PSG11: variants seen among roughly 807,000 people sequenced by gnomAD.
PSG11 encodes pregnancy specific beta-1-glycoprotein 11, also known as pregnancy-specific beta-1-glycoprotein 11.
In PSG11, 42 loss-of-function variants were observed where a neutral mutation model predicts 36.0. The observed-to-expected ratio is 1.17, with a 90% CI of 0.91 to 1.51. The LOEUF (loss-of-function observed/expected upper bound fraction) is 1.51, where lower values mean the gene tolerates loss of function less well. PSG11 is among the 40% of genes most tolerant of loss of function. The pLI is 0.00. For missense variants in PSG11, 558 were observed against 403.5 expected (o/e 1.38, Z -3.28); for synonymous variants, 206 against 153.5 (o/e 1.34, Z -2.53).
chr19:43,007,821 CA>C lies in PSG11; in HGVS notation c.*261del, dbSNP rs1163947380. 1.7e-5 allele frequency: 5 copies of C among 302,766 alleles called. No individual in the cohort carries two copies. Among genetic ancestry groups the C allele is most frequent in the Non-Finnish European group, 3.2e-5 (5 of 155,698 alleles). The allele number at this position is 302,766 out of a possible 1,614,324, so 18.8% of individuals were successfully genotyped here. ...AAATTCATAAATCTGGAGGATAAAA[CA>C]TTCAAAAAATCAGCACATTTTCCAA... On this transcript the variant is annotated 3_prime_UTR_variant, in exon 6 of 6. Coordinates refer to ENST00000320078, the MANE Select transcript of PSG11 (RefSeq NM_002785.3).
chr19:43,008,408 G>A (rs546431071), intron 5 of PSG11, among the ~76,000 whole-genome samples: 4 of 151,008 alleles, frequency 2.6e-5, no homozygotes, highest in Non-Finnish European at 5.9e-5. Flanking sequence ...GAGTAGCTGG[G>A]ACTACAGGTG....
chr19:43,019,861 A>G (rs1391281386), intron 2 of PSG11: 1 of 151,630 alleles, frequency 6.6e-6, no homozygotes, highest in African/African-American at 2.4e-5. Flanking sequence ...ATGTTTGCAA[A>G]TGCAGAACTG....
chr19:43,019,156 C>G, intron 2 of PSG11, 108 bp from the exon 3 acceptor site: 1 of 1,532,794 alleles, frequency 6.5e-7, no homozygotes, highest in African/African-American at 1.4e-5. Flanking sequence ...ACCCGAGTCC[C>G]TAAAAGCCCA....
intron 4 of PSG11, chr19:43,014,826 C>G (rs1966916865): frequency 1.5e-6 from 2 of 1,298,076 alleles, no homozygotes; most frequent in Non-Finnish European, 2.0e-6. Context: ...ATGTTCAGCA[C>G]TCTCCTTCTT....
At chr19:43,018,602 C>A in intron 3 of PSG11, 168 bp downstream of exon 3, 1 of 1,483,092 alleles carries the variant, frequency 6.7e-7, no homozygotes, top group South Asian at 1.2e-5. Context: ...CACTGTGGAT[C>A]AAGCCTAGGC....
rs147812985 is a variant in PSG11 at position 43,025,032 on chromosome 19, A to T, written c.89T>A (p.Leu30Ter). The T allele has an allele frequency of 6.2e-7, 1 of 1,609,076 alleles. No individual in the cohort carries two copies. The highest frequency in any genetic ancestry group is 1.3e-5 in the African/African-American group (1 of 74,188). The change falls in exon 2 of 6, where the codon TTG (leucine) becomes TAG (stop). Residue 30 changes from leucine (L) to a stop codon, truncating the protein, a stop_gained. Transcript: ENST00000320078. LOFTEE classifies it high-confidence loss of function. ...AATCATGACTTGGGCAGTGGTAGGC[A>T]AGTTCCAGAAGTTTAAAAGTAATGC... ...LTALLLNFWN[L>*]PTTAQVMIEA...
chr19:43,021,052 A>T lies in PSG11; in HGVS notation c.431-2004T>A, dbSNP rs190401256. Among the ~76,000 whole-genome samples, 4 of 151,448 alleles carry T rather than the reference A, an allele frequency of 2.6e-5. 1 individual carries two copies. Among genetic ancestry groups the T allele is most frequent in the African/African-American group, 4.9e-5 (2 of 41,078 alleles). Reference sequence around the variant, plus strand: ...CAGTTGTATGTGGCACAGGCAGTAAAACCATCAGATAGCACCCACCTGGCC... The same window carrying T: ...CAGTTGTATGTGGCACAGGCAGTAATACCATCAGATAGCACCCACCTGGCC... On this transcript the variant is annotated intron_variant, in intron 2 of 5. Coordinates refer to ENST00000320078, the MANE Select transcript of PSG11 (RefSeq NM_002785.3).
intron 2 of PSG11, among the ~76,000 whole-genome samples, chr19:43,023,439 G>A: frequency 6.6e-6 from 1 of 150,840 alleles, no homozygotes; most frequent in East Asian, 1.9e-4. Context: ...GGACACTTTG[G>A]GAAACACAGA....
Position 43,019,047 on chromosome 19 carries a change from C to T in PSG11, c.432G>A (p.Leu144=). 1 of 1,610,910 alleles carries T rather than the reference C, an allele frequency of 6.2e-7. No individual in the cohort carries two copies. ...TGGAGATGGAGGGCTTGGGAGTCTC[C>T]ACTGTGCAGAAAACAGAGAGAAGAT... The part of the protein sequence containing the change: ...VTGYFTFTLY[L]ETPKPSISSS... Residue 144 remains leucine (L), a splice_region_variant and synonymous_variant, in exon 3 of 6, where the codon CTG becomes CTA. Coordinates refer to ENST00000320078, the MANE Select transcript of PSG11 (RefSeq NM_002785.3).
intron 2 of PSG11, chr19:43,024,481 G>C (rs1256660577): frequency 1.4e-6 from 1 of 729,418 alleles, no homozygotes; most frequent in South Asian, 1.8e-5. Context: ...CCTCTGCAGC[G>C]AGTGTCTGCA....
chr19:43,015,692 G>C, intron 3 of PSG11: 1 of 1,585,044 alleles, frequency 6.3e-7, no homozygotes, highest in Non-Finnish European at 8.6e-7. Flanking sequence ...TTGGACCGGA[G>C]AGAGACTGAG....
chr19:43,011,489 A>G (rs574848830), intron 4 of PSG11, among the ~76,000 whole-genome samples: 1 of 151,440 alleles, frequency 6.6e-6, no homozygotes, highest in Non-Finnish European at 1.5e-5. Context: ...AGAGAAATTA[A>G]TGAAACCAAA....
In PSG11 at chr19:43,009,965, T is replaced by G; in HGVS notation, c.*33A>C. On this transcript the variant is annotated 3_prime_UTR_variant, in exon 5 of 6. Coordinates refer to ENST00000320078, the MANE Select transcript of PSG11 (RefSeq NM_002785.3). ...GAGAAAAGGTCATCATACCTGCCAG[T>G]CTTCCTGAAATACAAAAATGACATC... The G allele has an allele frequency of 6.3e-7, 1 of 1,590,326 alleles. No homozygotes were observed. The highest frequency in any genetic ancestry group is 1.7e-4 in the Middle Eastern group (1 of 6,020).
chr19:43,014,713 C>T lies in PSG11; in HGVS notation c.964+403G>A, dbSNP rs139508563. 6.0e-3 allele frequency: 7,187 copies of T among 1,207,002 alleles called. 244 individuals are homozygous for T. In the East Asian group the frequency reaches 0.085, roughly 14 times the overall value. 74.8% of individuals were successfully genotyped at this position (1,207,002 alleles called of 1,614,324 possible). On this transcript the variant is annotated intron_variant, in intron 4 of 5. Coordinates refer to ENST00000320078, the MANE Select transcript of PSG11 (RefSeq NM_002785.3). The stretch of plus-strand genomic sequence containing the variant: ...CTCTCATTTGGGGGAAAAGTGTGAG[C>T]TTGTTTCAAAGCCTCAGATGTTCCT...
chr19:43,018,439 G>A (rs1204439907), intron 3 of PSG11: 7 of 474,522 alleles, frequency 1.5e-5, no homozygotes, highest in Admixed American at 3.3e-5. Context: ...CTGTGGAAGG[G>A]CCACAGTGAC....
At chr19:43,021,010 G>A (rs1967088736) in intron 2 of PSG11, among the ~76,000 whole-genome samples, 1 of 151,270 alleles carries the variant, frequency 6.6e-6, no homozygotes, top group East Asian at 1.9e-4. Flanking sequence ...TATGAAAACG[G>A]CATCATCATG....
chr19:43,015,350 T>C lies in PSG11; in HGVS notation c.730A>G (p.Ile244Val), dbSNP rs142876275. The change falls in exon 4 of 6, where the codon ATT (isoleucine) becomes GTT (valine). Residue 244 changes from isoleucine (I) to valine (V), a missense_variant. By Grantham distance (29) the Ile-to-Val change is conservative. Coordinates refer to ENST00000320078, the MANE Select transcript of PSG11 (RefSeq NM_002785.3). ...TAGTAAGAGGTGACTGAAGGGAAAATTCTGGGGAGGTCTGGACCATCTGGA... is the reference window on the plus strand; with the variant it reads ...TAGTAAGAGGTGACTGAAGGGAAAACTCTGGGGAGGTCTGGACCATCTGGA... ...NLLHGPDLPR[I>V]FPSVTSYYSG... 69 of 1,610,466 alleles carry C rather than the reference T, an allele frequency of 4.3e-5. 5 individuals are homozygous for C. The African/African-American group carries it at 6.3e-4, about 15-fold the overall frequency.
rs1038984106 is a variant in PSG11 at position 43,016,160 on chromosome 19, C to A, written c.710-790G>T. On this transcript the variant is annotated intron_variant, in intron 3 of 5. Coordinates refer to ENST00000320078, the MANE Select transcript of PSG11 (RefSeq NM_002785.3). ...CTCAGCCCACCCGAGTCCTTGAAAG[C>A]CAATAGCTGGTGCGTGTGTCACAAG... 58 of 1,445,778 alleles carry A rather than the reference C, an allele frequency of 4.0e-5. 2 individuals are homozygous for A. In the Middle Eastern group the frequency reaches 7.5e-4, roughly 19 times the overall value. The allele number at this position is 1,445,778 out of a possible 1,614,324, so 89.6% of individuals were successfully genotyped here.
At chr19:43,019,847 G>A (rs1222203105) in intron 2 of PSG11, 1 of 151,628 alleles carries the variant, frequency 6.6e-6, no homozygotes, top group Admixed American at 6.6e-5. Flanking sequence ...GGAAATACAT[G>A]TGGATGTTTG....
Sources: allele counts gnomAD v4.1 joint callset (sites outside exome capture counted in the v4.1 genomes callset), GRCh38; gene constraint gnomAD v4.1.1; transcripts MANE v1.5; gene names NCBI Gene and HGNC (gene_info 2026-07-23, HGNC 2026-07-21).